Variants in SAMD11 observed in about 807,000 individuals in gnomAD.
SAMD11 encodes the protein sterile alpha motif domain-containing protein 11.
Under a neutral mutation model 64.4 loss-of-function variants are expected in SAMD11, and 77 were observed. That is an observed-to-expected ratio of 1.20 (90% CI 0.99 to 1.44). The LOEUF (loss-of-function observed/expected upper bound fraction) is 1.44. SAMD11 is among the 40% of genes most tolerant of loss of function. SAMD11 has a pLI of 0.00. For synonymous variants in SAMD11, 658 were observed against 421.9 expected (o/e 1.56, Z -6.86); for missense variants, 1,402 against 943.3 (o/e 1.49, Z -6.37).
chr1:925,839 G>A, intron 1 of SAMD11, 83 bp from the exon 2 acceptor site: 1 of 972,458 alleles, frequency 1.0e-6, no homozygotes, highest in Non-Finnish European at 1.6e-6. Context: ...TCCACGAGCC[G>A]GGGAGGGGGT....
chr1:941,248 G>T lies in SAMD11; in HGVS notation c.1300G>T (p.Gly434Cys). ...SSTAGQRRKQ[G>C]LAQHREGAAP... Reference sequence around the variant, plus strand: ...CACGGCAGGTCAGCGTCGGAAGCAGGGCCTGGCTCAGCACCGGGAGGGCGC... The same window carrying T: ...CACGGCAGGTCAGCGTCGGAAGCAGTGCCTGGCTCAGCACCGGGAGGGCGC... The change falls in exon 8 of 14, where the codon GGC (glycine) becomes TGC (cysteine). Residue 434 changes from glycine (G) to cysteine (C), a missense_variant. Physicochemically the swap from Gly to Cys is radical, Grantham distance 159. Coordinates refer to ENST00000616016, the MANE Select transcript of SAMD11 (RefSeq NM_001385641.1). The T allele has an allele frequency of 6.2e-7, 1 of 1,602,652 alleles. No homozygotes were observed. The highest frequency in any genetic ancestry group is 2.3e-5 in the East Asian group (1 of 44,262).
chr1:927,488 G>T (rs1349230302), intron 2 of SAMD11, among the ~76,000 whole-genome samples: 1 of 152,166 alleles, frequency 6.6e-6, no homozygotes, highest in Admixed American at 6.5e-5. Context: ...GTGAGGGACG[G>T]CTCAGATCCA....
At chr1:939,929 C>T (rs1323385462) in intron 7 of SAMD11, among the ~76,000 whole-genome samples, 6 of 152,096 alleles carry the variant, frequency 3.9e-5, no homozygotes, top group Admixed American at 2.0e-4. Flanking sequence ...CCCCTTCCCC[C>T]GGGTCGGCCC....
intron 1 of SAMD11, 31 bp from the exon 2 acceptor site, chr1:925,891 C>A (rs1401271702): frequency 6.5e-7 from 1 of 1,536,920 alleles, no homozygotes; most frequent in South Asian, 1.1e-5. Flanking sequence ...GTGCCGCTCC[C>A]TCACAGGGTC....
intron 2 of SAMD11, among the ~76,000 whole-genome samples, chr1:929,060 T>G (rs1238953254): frequency 6.6e-6 from 1 of 152,168 alleles, no homozygotes; most frequent in Non-Finnish European, 1.5e-5. Flanking sequence ...GTTACTACAT[T>G]TAAAAAAGCC....
intron 4 of SAMD11, among the ~76,000 whole-genome samples, chr1:932,491 G>A (rs925781384): frequency 6.6e-6 from 1 of 152,144 alleles, no homozygotes; most frequent in African/African-American, 2.4e-5. Flanking sequence ...TGGGGTCCCC[G>A]GAGGAGAAGG....
chr1:938,846 CCT>C (rs985811778), intron 5 of SAMD11, among the ~76,000 whole-genome samples, 192 bp from the exon 6 acceptor site: 3 of 152,170 alleles, frequency 2.0e-5, no homozygotes, highest in Non-Finnish European at 4.4e-5. Context: ...CCCCTGTGCC[CCT>C]GTCCCGCCAC....
chr1:930,241 C>T lies in SAMD11; in HGVS notation c.696C>T (p.Ala232=). 1 of 1,601,460 alleles carries T rather than the reference C, an allele frequency of 6.2e-7. No homozygotes were observed. The highest frequency in any genetic ancestry group is 8.5e-7 in the Non-Finnish European group (1 of 1,174,596). The change falls in exon 3 of 14, where the codon GCC becomes GCT. Residue 232 remains alanine, a synonymous_variant. Coordinates refer to ENST00000616016, the MANE Select transcript of SAMD11 (RefSeq NM_001385641.1). ...LKKERTPSFS[A]SDGDSDGSGP... The stretch of plus-strand genomic sequence containing the variant: ...AGGAGCGAACTCCCAGCTTCTCTGC[C>T]AGCGATGGTGACAGCGACGGGAGTG...
intron 7 of SAMD11, chr1:940,243 G>C (rs1041778290): frequency 2.6e-5 from 4 of 151,362 alleles, no homozygotes; most frequent in Admixed American, 6.6e-5. Context: ...CTGGCCGCGC[G>C]GGGGAGGGGC....
intron 5 of SAMD11, among the ~76,000 whole-genome samples, chr1:938,835 T>TC (rs1265459262): frequency 6.6e-6 from 1 of 152,090 alleles, no homozygotes; most frequent in African/African-American, 2.4e-5. Flanking sequence ...GTGTCAGAGC[T>TC]CCCCTGTGCC....
At chr1:929,760 C>T (rs919035604) in intron 2 of SAMD11, among the ~76,000 whole-genome samples, 1 of 152,234 alleles carries the variant, frequency 6.6e-6, no homozygotes, top group South Asian at 2.1e-4. Context: ...GCCTGTCGCA[C>T]ATGGGGTGGC....
intron 11 of SAMD11, 88 bp from the exon 12 acceptor site, chr1:943,165 A>C (rs1380903527): frequency 6.4e-5 from 103 of 1,597,432 alleles, no homozygotes; most frequent in Non-Finnish European, 8.4e-5. Flanking sequence ...CCCATCCCCC[A>C]CCTCAGCAAT....
chr1:932,272 C>T (rs960813755), intron 4 of SAMD11, among the ~76,000 whole-genome samples: 4 of 152,150 alleles, frequency 2.6e-5, no homozygotes, highest in Middle Eastern at 3.4e-3. Flanking sequence ...CCCCCGACCC[C>T]GCTCCAGTAA....
rs1378102342 is a variant in SAMD11, at chr1:939,375, C to T, written c.1158C>T (p.Asp386=). Residue 386 remains aspartate, a synonymous_variant, in exon 7 of 14, where the codon GAC becomes GAT. Transcript: ENST00000616016. ...SALSEASTFE[D]PQRLYHLGLP... ...TGAGCGAGGCCAGCACCTTTGAGGACCCTCAGCGCCTCTACCACCTGGGCC... is the reference window on the plus strand; with the variant it reads ...TGAGCGAGGCCAGCACCTTTGAGGATCCTCAGCGCCTCTACCACCTGGGCC... 6.2e-7 allele frequency: 1 copy of T among 1,604,930 alleles called. No individual in the cohort carries two copies. The highest frequency in any genetic ancestry group is 1.5e-5 in the African/African-American group (1 of 68,952).
At chr1:940,949 C>T (rs1223668583) in intron 7 of SAMD11, 195 bp from the exon 8 acceptor site, 2 of 530,872 alleles carry the variant, frequency 3.8e-6, no homozygotes, top group Admixed American at 3.8e-5. Context: ...CCGACACTTC[C>T]TCGCCCAGCA....
intron 4 of SAMD11, among the ~76,000 whole-genome samples, chr1:933,187 G>A (rs952028008): frequency 6.6e-6 from 1 of 152,246 alleles, no homozygotes; most frequent in Non-Finnish European, 1.5e-5. Context: ...GCGCTGATGT[G>A]CCCGGGCCGG....
At chr1:942,382 G>A (rs1641833832) in intron 9 of SAMD11, 28 bp from the exon 10 acceptor site, 6 of 677,390 alleles carry the variant, frequency 8.9e-6, no homozygotes, top group Non-Finnish European at 9.1e-6. Context: ...CGGACCCCCC[G>A]ACCCCGCGTT....
chr1:935,927 T>C (rs1295528781), intron 5 of SAMD11, 31 bp downstream of exon 5: 1 of 1,604,506 alleles, frequency 6.2e-7, no homozygotes, highest in South Asian at 1.1e-5. Context: ...GAGGGCGGGG[T>C]CGGGGCTGTG....
rs899747870 is a variant in SAMD11 at position 943,271 on chromosome 1, C to T, written c.2072C>T (p.Ser691Phe). The T allele has an allele frequency of 2.5e-6, 4 of 1,612,726 alleles. No homozygotes were observed. The highest frequency in any genetic ancestry group is 3.4e-6 in the Non-Finnish European group (4 of 1,179,864). Residue 691 changes from serine (S) to phenylalanine (F), a missense_variant, in exon 12 of 14, where the codon TCC (serine) becomes TTC (phenylalanine). Ser to Phe is a radical substitution (Grantham distance 155). Transcript: ENST00000616016. ...AACTCAGGCGCGGTAGGGGGACTCT[C>T]CATGGATGGGGAGGAGGCCCCAGCC... ...YFHTGAVGGL[S>F]MDGEEAPAPE...
Sources: allele counts gnomAD v4.1 joint callset (sites outside exome capture counted in the v4.1 genomes callset), GRCh38; gene constraint gnomAD v4.1.1; transcripts MANE v1.5; gene names NCBI Gene and HGNC (gene_info 2026-07-23, HGNC 2026-07-21).